The following C9orf85 variants were observed in gnomAD, a reference collection of about 807,000 sequenced individuals.
C9orf85 encodes the protein uncharacterized protein C9orf85.
In C9orf85, 16 loss-of-function variants were observed where a neutral mutation model predicts 14.9. That is an observed-to-expected ratio of 1.08 (90% CI 0.73 to 1.63). C9orf85 has a LOEUF of 1.63. Ranked by LOEUF, C9orf85 falls within the 40% of genes most tolerant of loss-of-function variation. The pLI, the probability that C9orf85 is intolerant of heterozygous loss-of-function variation, is 0.00. For missense variants in C9orf85, 172 were observed against 186.1 expected, an observed-to-expected ratio of 0.92 and a Z score of 0.44; for synonymous variants, 45 against 56.8, an observed-to-expected ratio of 0.79 and a Z score of 0.93.
Position 71,971,559 on chromosome 9 carries a change from A to G in C9orf85, c.264A>G (p.Pro88=). 2.5e-6 allele frequency: 4 copies of G among 1,613,402 alleles called. No individual in the cohort carries two copies. Among genetic ancestry groups the G allele is most frequent in the Non-Finnish European group, 2.5e-6 (3 of 1,179,614 alleles). ...ATTCTTATCACATAATGTGCAGGCCATGTGCCTGTGAACTTGAAGTTTGCG... is the reference window on the plus strand; with the variant it reads ...ATTCTTATCACATAATGTGCAGGCCGTGTGCCTGTGAACTTGAAGTTTGCG... ...VKDSYHIMCR[P]CACELEVCAK... Residue 88 remains proline (P), a synonymous_variant, in exon 3 of 4, where the codon CCA becomes CCG. Transcript: ENST00000334731.
intron 2 of C9orf85, among the ~76,000 whole-genome samples, chr9:71,967,294 A>G (rs1822721149): frequency 6.6e-6 from 1 of 152,096 alleles, no homozygotes; most frequent in Admixed American, 6.6e-5. Context: ...TTCTCTATTC[A>G]GTTTCCTTTC....
At chr9:71,951,353 T>G (rs1028059123) in intron 2 of C9orf85, among the ~76,000 whole-genome samples, 9 of 152,234 alleles carry the variant, frequency 5.9e-5, no homozygotes, top group African/African-American at 2.2e-4. Context: ...ATAAACAGTG[T>G]GACAGTGGTA....
Position 71,963,718 on chromosome 9 carries a change from C to T in C9orf85, c.210-7787C>T, listed in dbSNP as rs568308219. On this transcript the variant is annotated intron_variant, in intron 2 of 3. Coordinates refer to ENST00000334731, the MANE Select transcript of C9orf85 (RefSeq NM_182505.5). ...GCAGAGGGTGTACTGGGTCCCCCAGCAGTGCCAGCCCACTGGCGCTGCGCT... is the reference window on the plus strand; with the variant it reads ...GCAGAGGGTGTACTGGGTCCCCCAGTAGTGCCAGCCCACTGGCGCTGCGCT... 1.2e-3 allele frequency among the ~76,000 whole-genome samples: 188 copies of T among 152,344 alleles called. 2 individuals carry two copies. Among genetic ancestry groups the T allele is most frequent in the African/African-American group, 4.4e-3 (184 of 41,590 alleles).
At chr9:71,943,577 T>C (rs924339232) in intron 1 of C9orf85, among the ~76,000 whole-genome samples, 1 of 151,900 alleles carries the variant, frequency 6.6e-6, no homozygotes, top group Non-Finnish European at 1.5e-5. Flanking sequence ...AGTTTCGCTC[T>C]TGTTGCCCAG....
At chr9:71,938,363 A>C (rs1828242063) in intron 1 of C9orf85, among the ~76,000 whole-genome samples, 1 of 152,114 alleles carries the variant, frequency 6.6e-6, no homozygotes, top group South Asian at 2.1e-4. Context: ...CATTTGCCTC[A>C]CTATCCAAAT....
chr9:71,966,024 C>T (rs1822680812), intron 2 of C9orf85, among the ~76,000 whole-genome samples: 1 of 152,196 alleles, frequency 6.6e-6, no homozygotes, highest in Admixed American at 6.5e-5. Flanking sequence ...GAGTATGCGC[C>T]TGTAACAATA....
chr9:71,965,112 T>A (rs1265208888), intron 2 of C9orf85, among the ~76,000 whole-genome samples: 1 of 151,932 alleles, frequency 6.6e-6, no homozygotes, highest in African/African-American at 2.4e-5. Flanking sequence ...GAGAGTGCAG[T>A]TGTAAGATTT....
chr9:71,947,498 C>A (rs1341586172), intron 2 of C9orf85, among the ~76,000 whole-genome samples: 1 of 152,136 alleles, frequency 6.6e-6, no homozygotes, highest in Non-Finnish European at 1.5e-5. Context: ...TAATTCAACT[C>A]ATGAAGATTA....
chr9:71,966,326 A>ATGGAAT (rs200735625), intron 2 of C9orf85, among the ~76,000 whole-genome samples: 1,829 of 152,268 alleles, frequency 0.012, 31 homozygotes, highest in African/African-American at 0.041. Flanking sequence ...TTTTTCTTTT[A>ATGGAAT]ACATGTGTAT....
chr9:71,947,196 C>T (rs372829192), intron 2 of C9orf85, 84 bp downstream of exon 2: 1 of 882,926 alleles, frequency 1.1e-6, no homozygotes, highest in Non-Finnish European at 1.7e-6. Flanking sequence ...AAAATTGTGT[C>T]CAAATAAATG....
chr9:71,916,145 G>A (rs1459141715), intron 1 of C9orf85, among the ~76,000 whole-genome samples: 2 of 152,112 alleles, frequency 1.3e-5, no homozygotes, highest in African/African-American at 4.8e-5. Context: ...AACGGTCTAG[G>A]GAGCCCTGAG....
intron 1 of C9orf85, among the ~76,000 whole-genome samples, chr9:71,944,324 A>G (rs1822027209): frequency 6.6e-6 from 1 of 151,978 alleles, no homozygotes; most frequent in South Asian, 2.1e-4. Context: ...ATGTTCCTTA[A>G]GTTTATTCTA....
intron 2 of C9orf85, among the ~76,000 whole-genome samples, chr9:71,965,866 G>A (rs957531687): frequency 1.3e-5 from 2 of 152,210 alleles, no homozygotes; most frequent in African/African-American, 2.4e-5. Flanking sequence ...AGAATTGTTT[G>A]AGTGATTGTT....
At chr9:71,959,629 T>C (rs1024206677) in intron 2 of C9orf85, among the ~76,000 whole-genome samples, 1 of 152,232 alleles carries the variant, frequency 6.6e-6, no homozygotes, top group Admixed American at 6.5e-5. Context: ...TTTATTTTAA[T>C]GTCAGGTCCC....
At chr9:71,974,674 A>C (rs1348880089), downstream of C9orf85, among the ~76,000 whole-genome samples, 2 of 152,182 alleles carry the variant, frequency 1.3e-5, no homozygotes, top group African/African-American at 4.8e-5. Context: ...GTATGTATCT[A>C]GCAGTGGTAG....
intron 2 of C9orf85, among the ~76,000 whole-genome samples, chr9:71,955,652 T>TA (rs1325007011): frequency 6.6e-6 from 1 of 152,166 alleles, no homozygotes; most frequent in Non-Finnish European, 1.5e-5. Flanking sequence ...CAAGTTATGT[T>TA]ACAGTTCAGT....
chr9:71,941,462 CA>C (rs751272397), intron 1 of C9orf85, among the ~76,000 whole-genome samples: 1 of 152,046 alleles, frequency 6.6e-6, no homozygotes. Context: ...TATTCTGATC[CA>C]AAAAATATTT....
chr9:71,950,353 T>C (rs1473874644), intron 2 of C9orf85, among the ~76,000 whole-genome samples: 1 of 128,390 alleles, frequency 7.8e-6, no homozygotes, highest in Non-Finnish European at 1.6e-5. Context: ...ATATGAATTT[T>C]ACTGGATATA....
intron 1 of C9orf85, among the ~76,000 whole-genome samples, chr9:71,918,722 G>T (rs1827717740): frequency 6.6e-6 from 1 of 152,166 alleles, no homozygotes; most frequent in Non-Finnish European, 1.5e-5. Context: ...CTCCTTATGA[G>T]AATCTAATGC....
Sources: allele counts gnomAD v4.1 joint callset (sites outside exome capture counted in the v4.1 genomes callset), GRCh38; gene constraint gnomAD v4.1.1; transcripts MANE v1.5; gene names NCBI Gene and HGNC (gene_info 2026-07-23, HGNC 2026-07-21).